EBF2: variants seen among roughly 807,000 people sequenced by gnomAD.
The protein encoded by EBF2 is EBF transcription factor 2.
In EBF2, 21 loss-of-function variants were observed where a neutral mutation model predicts 72.8. That is an observed-to-expected ratio of 0.29 (90% CI 0.20 to 0.42). The LOEUF (loss-of-function observed/expected upper bound fraction) is 0.42. Among genes scored for constraint, EBF2 ranks in the 10% least tolerant of loss-of-function variants. The probability of loss-of-function intolerance (pLI) is 1.00; values close to 1 mark genes in which losing one functional copy is unlikely to be tolerated. For synonymous variants in EBF2, 299 were observed against 274.2 expected (o/e 1.09, Z -0.89); for missense variants, 637 against 731.2 (o/e 0.87, Z 1.49).
chr8:26,029,657 CT>C (rs991054038), intron 6 of EBF2, among the ~76,000 whole-genome samples: 1 of 152,168 alleles, frequency 6.6e-6, no homozygotes, highest in Non-Finnish European at 1.5e-5. Flanking sequence ...TGTAAATTAA[CT>C]GCATCTGGTA....
chr8:25,993,915 G>C (rs140476301), intron 6 of EBF2, among the ~76,000 whole-genome samples: 5 of 152,094 alleles, frequency 3.3e-5, no homozygotes, highest in Admixed American at 6.5e-5. Context: ...TGTCTAAATA[G>C]TTAGAAAAGG....
intron 6 of EBF2, among the ~76,000 whole-genome samples, chr8:26,019,336 A>C (rs766909382): frequency 2.0e-5 from 3 of 152,000 alleles, no homozygotes; most frequent in Non-Finnish European, 4.4e-5. Flanking sequence ...CCCAAGAAGC[A>C]GGTCTCTGAA....
chr8:25,965,943 A>G (rs1804108142), intron 6 of EBF2, among the ~76,000 whole-genome samples: 1 of 152,244 alleles, frequency 6.6e-6, no homozygotes, highest in South Asian at 2.1e-4. Flanking sequence ...GCCCTCGGTT[A>G]TCCTGACTGC....
intron 6 of EBF2, among the ~76,000 whole-genome samples, chr8:25,956,937 C>T (rs994197364): frequency 3.3e-5 from 5 of 152,234 alleles, no homozygotes; most frequent in African/African-American, 1.2e-4. Context: ...AAACACCGCT[C>T]ATCTAGGGAA....
chr8:25,935,388 A>T (rs1803560783), intron 6 of EBF2, among the ~76,000 whole-genome samples: 1 of 152,172 alleles, frequency 6.6e-6, no homozygotes, highest in Admixed American at 6.5e-5. Flanking sequence ...TTACACTGGG[A>T]ATTCCTCCAG....
intron 10 of EBF2, among the ~76,000 whole-genome samples, chr8:25,879,362 A>C (rs1158011980): frequency 2.0e-5 from 3 of 152,192 alleles, no homozygotes; most frequent in African/African-American, 4.8e-5. Flanking sequence ...ATAAACTCCC[A>C]TGAACGGTCT....
At chr8:25,969,766 G>A (rs890374515) in intron 6 of EBF2, among the ~76,000 whole-genome samples, 14 of 152,124 alleles carry the variant, frequency 9.2e-5, no homozygotes, top group South Asian at 2.1e-4. Context: ...GGGCAGTGGC[G>A]CGATCACAGC....
At chr8:25,951,402 C>T (rs1803859848) in intron 6 of EBF2, among the ~76,000 whole-genome samples, 1 of 152,102 alleles carries the variant, frequency 6.6e-6, no homozygotes, top group African/African-American at 2.4e-5. Flanking sequence ...TTTTTCTCTG[C>T]TCCAGAATGC....
At chr8:26,039,366 T>A (rs1486481391) in intron 5 of EBF2, among the ~76,000 whole-genome samples, 3 of 152,108 alleles carry the variant, frequency 2.0e-5, no homozygotes, top group Non-Finnish European at 4.4e-5. Flanking sequence ...AATATCAGAA[T>A]CCAGCTGTTG....
At chr8:25,847,490 A>C (rs946603141) in intron 15 of EBF2, among the ~76,000 whole-genome samples, 1 of 152,212 alleles carries the variant, frequency 6.6e-6, no homozygotes, top group Non-Finnish European at 1.5e-5. Flanking sequence ...AAAACGAGGA[A>C]GAGCATAAGG....
intron 6 of EBF2, among the ~76,000 whole-genome samples, chr8:25,983,235 T>C (rs933903254): frequency 1.3e-5 from 2 of 152,102 alleles, no homozygotes; most frequent in Non-Finnish European, 2.9e-5. Flanking sequence ...AGATGAAGAA[T>C]CTATGAAAGC....
intron 6 of EBF2, among the ~76,000 whole-genome samples, chr8:25,928,025 C>A (rs113050196): frequency 1.3e-5 from 2 of 152,192 alleles, no homozygotes; most frequent in Admixed American, 1.3e-4. Context: ...ATAAGGAACA[C>A]GGCTTGTCTC....
chr8:25,964,554 C>T (rs921753961), intron 6 of EBF2, among the ~76,000 whole-genome samples: 23 of 152,164 alleles, frequency 1.5e-4, no homozygotes, highest in African/African-American at 5.3e-4. Flanking sequence ...CAACTGTAAT[C>T]TCTAGAGACA....
chr8:25,908,543 T>C lies in EBF2; in HGVS notation c.564A>G (p.Lys188=). Residue 188 remains lysine (K), a synonymous_variant, in exon 7 of 16, where the codon AAA becomes AAG. Transcript: ENST00000520164. ...DPVIIDRFFL[K]FFLKCNQNCL... is the part of the protein sequence containing the mutation. ...AATTCTGATTGCACTTGAGGAAAAATTTTAAAAAGAATCTGTGAAGAGAAA... is the reference window on the plus strand; with the variant it reads ...AATTCTGATTGCACTTGAGGAAAAACTTTAAAAAGAATCTGTGAAGAGAAA... 6.2e-7 allele frequency: 1 copy of C among 1,610,850 alleles called. No homozygotes were observed. Among genetic ancestry groups the C allele is most frequent in the Non-Finnish European group, 8.5e-7 (1 of 1,177,426 alleles).
intron 10 of EBF2, among the ~76,000 whole-genome samples, chr8:25,882,624 C>T (rs1802622889): frequency 6.6e-6 from 1 of 152,204 alleles, no homozygotes; most frequent in Admixed American, 6.5e-5. Context: ...ACCACAGTTG[C>T]CAGGCACTGT....
chr8:25,994,388 A>G (rs966517042), intron 6 of EBF2, among the ~76,000 whole-genome samples: 3 of 152,214 alleles, frequency 2.0e-5, no homozygotes, highest in Non-Finnish European at 4.4e-5. Flanking sequence ...TATGACTGAC[A>G]CTAATAGAAA....
intron 10 of EBF2, among the ~76,000 whole-genome samples, chr8:25,872,997 T>A (rs1180221805): frequency 6.6e-6 from 1 of 152,260 alleles, no homozygotes; most frequent in East Asian, 1.9e-4. Context: ...CCACAAAGTC[T>A]GTCTTCCATG....
chr8:25,961,044 A>G (rs1804026427), intron 6 of EBF2, among the ~76,000 whole-genome samples: 1 of 152,232 alleles, frequency 6.6e-6, no homozygotes, highest in Non-Finnish European at 1.5e-5. Context: ...CTCTGCTTTC[A>G]TTATATGTAT....
At chr8:26,022,654 G>T (rs994750957) in intron 6 of EBF2, among the ~76,000 whole-genome samples, 3 of 152,142 alleles carry the variant, frequency 2.0e-5, no homozygotes, top group Admixed American at 6.5e-5. Flanking sequence ...CCTCTCAAAA[G>T]CTCTTGTTAA....
Sources: allele counts gnomAD v4.1 joint callset (sites outside exome capture counted in the v4.1 genomes callset), GRCh38; gene constraint gnomAD v4.1.1; transcripts MANE v1.5; gene names NCBI Gene and HGNC (gene_info 2026-07-23, HGNC 2026-07-21).